Variants in NHSL1 observed in about 807,000 individuals in gnomAD.
NHSL1 encodes the protein NHS like 1, also known as NHS-like protein 1.
Under a neutral mutation model 95.0 loss-of-function variants are expected in NHSL1, and 48 were observed. That is an observed-to-expected ratio of 0.51 (90% CI 0.40 to 0.64). The LOEUF is 0.64. Ranked by LOEUF, NHSL1 falls within the 30% of genes least tolerant of loss-of-function variation. The pLI, the probability that NHSL1 is intolerant of heterozygous loss-of-function variation, is 0.00. For synonymous variants in NHSL1, 783 were observed against 833.9 expected (o/e 0.94, Z 1.05); for missense variants, 1,971 against 2,077.7 (o/e 0.95, Z 1.00).
chr6:138,437,389 C>T (rs1214392409), intron 5 of NHSL1, among the ~76,000 whole-genome samples: 5 of 73,322 alleles, frequency 6.8e-5, no homozygotes, highest in African/African-American at 1.2e-4. Flanking sequence ...TATATATACA[C>T]ATATATATAT....
intron 5 of NHSL1, among the ~76,000 whole-genome samples, chr6:138,434,258 G>A (rs1399587568): frequency 6.6e-6 from 1 of 152,148 alleles, no homozygotes; most frequent in Non-Finnish European, 1.5e-5. Context: ...TCCATCTGAA[G>A]CCATTATCTG....
chr6:138,499,187 A>C (rs10457670), intron 1 of NHSL1, 46 bp downstream of exon 1: 2 of 1,266,072 alleles, frequency 1.6e-6, no homozygotes, highest in African/African-American at 3.0e-5. Context: ...ACACATATGG[A>C]AACATATGCA....
chr6:138,543,710 C>A lies in NHSL1; in HGVS notation c.16+1913G>T, dbSNP rs190011877. Among the ~76,000 whole-genome samples, 105 of 152,318 alleles carry A rather than the reference C, an allele frequency of 6.9e-4. 3 individuals carry two copies. In the East Asian group the frequency reaches 0.014, roughly 21 times the overall value. ...ACAAAGCATCAACAAGTAGCTCTTACTATTCTTCTGCTTAATCTCACTCAC... is the reference window on the plus strand; with the variant it reads ...ACAAAGCATCAACAAGTAGCTCTTAATATTCTTCTGCTTAATCTCACTCAC... On this transcript the variant is annotated intron_variant, in intron 1 of 4. Transcript: ENST00000342260.
intron 2 of NHSL1, among the ~76,000 whole-genome samples, chr6:138,490,689 G>A (rs529711347): frequency 6.6e-6 from 1 of 152,100 alleles, no homozygotes; most frequent in African/African-American, 2.4e-5. Flanking sequence ...CTGGAGTGCA[G>A]TGGCACAATC....
chr6:138,544,728 ATTCATC>A (rs996474255), intron 1 of NHSL1, among the ~76,000 whole-genome samples: 19 of 152,196 alleles, frequency 1.2e-4, no homozygotes, highest in African/African-American at 4.6e-4. Flanking sequence ...TTCCAAGGAA[ATTCATC>A]TCCCCCTCTA....
At chr6:138,513,871 C>T (rs78450878) in intron 1 of NHSL1, among the ~76,000 whole-genome samples, 9,797 of 152,184 alleles carry the variant, frequency 0.064, 636 homozygotes, top group East Asian at 0.32. Flanking sequence ...TGATCTGGAC[C>T]ATGATACAGA....
At chr6:138,544,804 A>G (rs1427430457) in intron 1 of NHSL1, among the ~76,000 whole-genome samples, 1 of 152,134 alleles carries the variant, frequency 6.6e-6, no homozygotes, top group East Asian at 1.9e-4. Flanking sequence ...CATTAATTAC[A>G]TTGTAATAAG....
chr6:138,615,710 A>T, intron 1 of NHSL1, among the ~76,000 whole-genome samples: 1 of 152,220 alleles, frequency 6.6e-6, no homozygotes. Context: ...TGACCTCATG[A>T]TCCGCCTGCC....
intron 1 of NHSL1, among the ~76,000 whole-genome samples, chr6:138,596,633 G>A (rs192157518): frequency 1.1e-4 from 16 of 152,232 alleles, no homozygotes; most frequent in Non-Finnish European, 2.2e-4. Flanking sequence ...GTTCTTGAAA[G>A]AATCAGCAGC....
intron 2 of NHSL1, among the ~76,000 whole-genome samples, chr6:138,493,566 A>T (rs547535963): frequency 6.6e-5 from 10 of 152,352 alleles, no homozygotes; most frequent in African/African-American, 1.9e-4. Flanking sequence ...ATTCAAACTC[A>T]CACATACCTT....
intron 1 of NHSL1, among the ~76,000 whole-genome samples, chr6:138,626,681 CAGG>C (rs1245783679): frequency 2.8e-5 from 2 of 72,122 alleles, no homozygotes; most frequent in Non-Finnish European, 5.3e-5. Context: ...ATCACGAGGT[CAGG>C]AGATCGAGAC....
At chr6:138,534,008 GA>G (rs1410502170) in intron 1 of NHSL1, among the ~76,000 whole-genome samples, 1 of 152,182 alleles carries the variant, frequency 6.6e-6, no homozygotes, top group African/African-American at 2.4e-5. Context: ...GGCCATTAAT[GA>G]TTGAAACTGT....
intron 1 of NHSL1, among the ~76,000 whole-genome samples, chr6:138,514,178 C>T (rs968401198): frequency 6.6e-6 from 1 of 151,834 alleles, no homozygotes; most frequent in East Asian, 1.9e-4. Context: ...ATTAGCCGGG[C>T]GTGGTGGTGA....
intron 1 of NHSL1, among the ~76,000 whole-genome samples, chr6:138,535,827 A>G (rs1172500788): frequency 3.3e-5 from 5 of 152,208 alleles, no homozygotes; most frequent in African/African-American, 1.2e-4. Flanking sequence ...GACTCATGAC[A>G]TTGACTAGGA....
intron 1 of NHSL1, among the ~76,000 whole-genome samples, chr6:138,636,294 A>C (rs1215597797): frequency 6.6e-6 from 1 of 152,194 alleles, no homozygotes; most frequent in African/African-American, 2.4e-5. Context: ...CACATACAAC[A>C]GACCCATAGC....
upstream of NHSL1, among the ~76,000 whole-genome samples, chr6:138,575,406 A>C (rs1483347695): frequency 1.3e-5 from 2 of 152,206 alleles, no homozygotes; most frequent in Non-Finnish European, 2.9e-5. Context: ...AGCCAAAATG[A>C]TAACTAGTCC....
At chr6:138,474,003 A>T (rs1450507001) in intron 2 of NHSL1, among the ~76,000 whole-genome samples, 1 of 152,144 alleles carries the variant, frequency 6.6e-6, no homozygotes, top group Non-Finnish European at 1.5e-5. Context: ...ATTTAATAGG[A>T]AGGCAGGTGC....
At chr6:138,483,663 C>T (rs1779555605) in intron 2 of NHSL1, among the ~76,000 whole-genome samples, 1 of 152,136 alleles carries the variant, frequency 6.6e-6, no homozygotes, top group Admixed American at 6.5e-5. Context: ...TGTGAACTTT[C>T]AACACACAAT....
chr6:138,479,316 T>A (rs1158169425), intron 2 of NHSL1, among the ~76,000 whole-genome samples: 1 of 152,194 alleles, frequency 6.6e-6, no homozygotes, highest in Non-Finnish European at 1.5e-5. Context: ...TTTCACCTTT[T>A]CACTTAAAGG....
Sources: allele counts gnomAD v4.1 joint callset (sites outside exome capture counted in the v4.1 genomes callset), GRCh38; gene constraint gnomAD v4.1.1; transcripts MANE v1.5; gene names NCBI Gene and HGNC (gene_info 2026-07-23, HGNC 2026-07-21).